SLC33A1: variants seen among roughly 807,000 people sequenced by gnomAD.
SLC33A1 encodes acetyl-coenzyme A transporter 1.
SLC33A1 carries 20 observed loss-of-function variants against 50.0 expected under a neutral mutation model. The observed-to-expected ratio is 0.40, with a 90% CI of 0.28 to 0.58. The LOEUF is 0.58. SLC33A1 is among the 20% of genes least tolerant of loss of function. The pLI is 0.44. For synonymous variants in SLC33A1, 265 were observed against 251.8 expected, an observed-to-expected ratio of 1.05 and a Z score of -0.50; for missense variants, 476 against 657.0, an observed-to-expected ratio of 0.72 and a Z score of 3.01.
chr3:155,839,284 A>AG (rs1752827751), intron 2 of SLC33A1, among the ~76,000 whole-genome samples: 1 of 137,982 alleles, frequency 7.2e-6, no homozygotes, highest in Non-Finnish European at 1.6e-5. Context: ...CCTGGGAAAC[A>AG]AGTGAAACTC....
chr3:155,838,713 G>A (rs1034506117), intron 2 of SLC33A1, among the ~76,000 whole-genome samples: 10 of 151,660 alleles, frequency 6.6e-5, no homozygotes, highest in African/African-American at 2.2e-4. Context: ...AGCTGGGTGA[G>A]GTGGCAAGCA....
intron 2 of SLC33A1, among the ~76,000 whole-genome samples, chr3:155,836,290 A>G: frequency 1.6e-5 from 2 of 126,976 alleles, no homozygotes; most frequent in South Asian, 4.5e-4. Flanking sequence ...CAAAAAAAAA[A>G]AAAAAAAAAA....
intron 2 of SLC33A1, among the ~76,000 whole-genome samples, chr3:155,837,333 G>A (rs1168774654): frequency 6.7e-6 from 1 of 149,830 alleles, no homozygotes; most frequent in Non-Finnish European, 1.5e-5. Context: ...TCCAGCCTGG[G>A]GGACAGAGCG....
In SLC33A1 at chr3:155,842,844, AC is replaced by A. The variant is rs1295631571; in HGVS notation, c.776-226del. On this transcript the variant is annotated intron_variant, in intron 1 of 5. Coordinates refer to ENST00000643144, the MANE Select transcript of SLC33A1 (RefSeq NM_004733.4). ...GGCAACATAGTGGGACCCTATCCCT[AC>A]AAAAAATAAGAAATTAGCCAGGCTT... The A allele has an allele frequency of 3.9e-5, 11 of 280,172 alleles. 1 individual carries two copies. The highest frequency in any genetic ancestry group is 6.6e-5 in the Non-Finnish European group (10 of 151,546). 17.4% of individuals were successfully genotyped at this position (280,172 alleles called of 1,614,324 possible). A position where few individuals can be genotyped will look rare whatever the true frequency, so the allele number is the denominator to read the frequency against.
chr3:155,852,728 G>A (rs1313171180), intron 1 of SLC33A1, among the ~76,000 whole-genome samples: 2 of 152,186 alleles, frequency 1.3e-5, no homozygotes, highest in Admixed American at 1.3e-4. Flanking sequence ...CTTGAGTGCA[G>A]AACTCTGCCT....
Position 155,828,394 on chromosome 3 carries a change from A to G in SLC33A1, c.1483-17T>C. ...TTTGCAAAGCTGTAAAAATAAAACT[A>G]TAATAAATACTCCACAATTTCAAAA... On this transcript the variant is annotated splice_polypyrimidine_tract_variant and intron_variant, in intron 5 of 5. Transcript: ENST00000643144. 1 of 1,501,624 alleles carries G rather than the reference A, an allele frequency of 6.7e-7. No homozygotes were observed. The highest frequency in any genetic ancestry group is 9.3e-7 in the Non-Finnish European group (1 of 1,078,040). 93.0% of individuals were successfully genotyped at this position (1,501,624 alleles called of 1,614,324 possible).
intron 4 of SLC33A1, 34 bp downstream of exon 4, chr3:155,833,434 A>G: frequency 2.1e-6 from 2 of 964,752 alleles, no homozygotes; most frequent in Non-Finnish European, 3.4e-6. Context: ...TACACAGAAC[A>G]GTTTATTTCC....
intron 1 of SLC33A1, among the ~76,000 whole-genome samples, chr3:155,843,639 T>C (rs144741936): frequency 3.9e-5 from 6 of 152,266 alleles, no homozygotes; most frequent in African/African-American, 1.2e-4. Flanking sequence ...GACAAAAATA[T>C]GCTAAGCATT....
Position 155,853,910 on chromosome 3 carries a change from G to A in SLC33A1, c.88C>T (p.Leu30=). ...SHSLDMKSGP[L]PPGGWDDSHL... is the part of the protein sequence containing the mutation. The stretch of plus-strand genomic sequence containing the variant: ...CTGTCATCCCAACCGCCTGGCGGCA[G>A]GGGACCGCTCTTCATATCCAGAGAG... Residue 30 remains leucine (L), a synonymous_variant, in exon 1 of 6, where the codon CTG becomes TTG. Coordinates refer to ENST00000643144, the MANE Select transcript of SLC33A1 (RefSeq NM_004733.4). 1 of 1,544,666 alleles carries A rather than the reference G, an allele frequency of 6.5e-7. No homozygotes were observed. Among genetic ancestry groups the A allele is most frequent in the Non-Finnish European group, 8.7e-7 (1 of 1,149,134 alleles).
At chr3:155,839,652 G>A (rs1461366916) in intron 2 of SLC33A1, among the ~76,000 whole-genome samples, 1 of 151,980 alleles carries the variant, frequency 6.6e-6, no homozygotes, top group African/African-American at 2.4e-5. Flanking sequence ...CACTTTTAAA[G>A]TAAATAAATA....
chr3:155,834,607 G>T (rs1188020687), intron 2 of SLC33A1, among the ~76,000 whole-genome samples: 1 of 152,074 alleles, frequency 6.6e-6, no homozygotes, highest in African/African-American at 2.4e-5. Flanking sequence ...AAAAGAGTAA[G>T]AATTAAATTA....
Position 155,823,019 on chromosome 3 carries a change from A to G in SLC33A1, c.*5191T>C, listed in dbSNP as rs1352657824. The G allele has an allele frequency of 2.0e-5, 3 of 152,148 alleles. No homozygotes were observed. The highest frequency in any genetic ancestry group is 7.2e-5 in the African/African-American group (3 of 41,440). The allele number at this position is 152,148 out of a possible 1,614,324, so 9.4% of individuals were successfully genotyped here. On this transcript the variant is annotated 3_prime_UTR_variant, in exon 6 of 6. Coordinates refer to ENST00000643144, the MANE Select transcript of SLC33A1 (RefSeq NM_004733.4). The stretch of plus-strand genomic sequence containing the variant: ...CCAGCCCATAGACTTTTCATTTACT[A>G]TATAAAGTCTTTTTCTCCTACAAAA...
intron 1 of SLC33A1, among the ~76,000 whole-genome samples, chr3:155,848,895 A>C (rs1365663587): frequency 1.3e-5 from 2 of 152,136 alleles, no homozygotes; most frequent in Admixed American, 6.6e-5. Context: ...AATTACAGAT[A>C]GTATTTCATT....
rs1344755518 is a variant in SLC33A1, at chr3:155,825,299, AC to A, written c.*2910del. 6.6e-6 allele frequency: 1 copy of A among 151,706 alleles called. No homozygotes were observed. The highest frequency in any genetic ancestry group is 1.5e-5 in the Non-Finnish European group (1 of 67,986). The allele number at this position is 151,706 out of a possible 1,614,324, so 9.4% of individuals were successfully genotyped here. ...CAAGTAGCTGGGACTACTGGTGTGT[AC>A]CACCATGCCTGGATAATTAAAAAAA... On this transcript the variant is annotated 3_prime_UTR_variant, in exon 6 of 6. Transcript: ENST00000643144.
chr3:155,833,897 G>C lies in SLC33A1; in HGVS notation c.1108C>G (p.Pro370Ala). 1 of 1,613,848 alleles carries C rather than the reference G, an allele frequency of 6.2e-7. No individual in the cohort carries two copies. The highest frequency in any genetic ancestry group is 8.5e-7 in the Non-Finnish European group (1 of 1,179,912). The change falls in exon 3 of 6, where the codon CCC (proline) becomes GCC (alanine). Residue 370 changes from proline to alanine, a missense_variant. Transcript: ENST00000643144. ...PLIISKYTAG[P>A]QPLNTFYKAM... ...TTGTAAAATGTGTTTAATGGCTGGG[G>C]ACCTGCAGTGTATTTGCTGATAATC...
intron 1 of SLC33A1, 114 bp downstream of exon 1, chr3:155,853,109 T>G (rs1753466551): frequency 1.0e-6 from 1 of 974,440 alleles, no homozygotes. Flanking sequence ...AAAACTTACC[T>G]TGAGTTATCT....
chr3:155,841,726 C>G lies in SLC33A1; in HGVS notation c.963+706G>C, dbSNP rs149814904. Reference sequence around the variant, plus strand: ...ATTGACTTCTAATACTCATATACTTCTATATCTTTTTATTTATTTATTTAT... The same window carrying G: ...ATTGACTTCTAATACTCATATACTTGTATATCTTTTTATTTATTTATTTAT... On this transcript the variant is annotated intron_variant, in intron 2 of 5. Coordinates refer to ENST00000643144, the MANE Select transcript of SLC33A1 (RefSeq NM_004733.4). 5.8e-3 allele frequency among the ~76,000 whole-genome samples: 880 copies of G among 151,822 alleles called. 7 individuals are homozygous for G. The highest frequency in any genetic ancestry group is 0.017 in the South Asian group (81 of 4,800).
intron 4 of SLC33A1, 47 bp downstream of exon 4, chr3:155,833,421 T>C: frequency 1.1e-6 from 1 of 924,826 alleles, no homozygotes; most frequent in Non-Finnish European, 1.8e-6. Context: ...GTCTTCCTTA[T>C]TTTACACAGA....
Position 155,842,416 on chromosome 3 carries a change from T to C in SLC33A1, c.963+16A>G. 6.5e-7 allele frequency: 1 copy of C among 1,546,988 alleles called. No homozygotes were observed. The highest frequency in any genetic ancestry group is 8.9e-7 in the Non-Finnish European group (1 of 1,122,154). ...ACTTATAAGAAAATGATAAATTTGA[T>C]TTATAAATCTCTTACCTTTGCAGTT... is the stretch of plus-strand genomic sequence containing the variant. On this transcript the variant is annotated intron_variant, in intron 2 of 5. Transcript: ENST00000643144.
Sources: gnomAD v4.1 joint callset for allele counts (sites outside exome capture counted in the v4.1 genomes callset) on GRCh38, gnomAD v4.1.1 for gene constraint, MANE v1.5 for transcripts, NCBI Gene and HGNC (gene_info 2026-07-23, HGNC 2026-07-21) for gene names.